PTPRD: variants seen among roughly 807,000 people sequenced by gnomAD.
PTPRD encodes protein tyrosine phosphatase receptor type D.
PTPRD carries 34 observed loss-of-function variants against 214.5 expected under a neutral mutation model. The ratio of observed to expected loss-of-function variants is 0.16; its 90% CI spans 0.12 to 0.21. The LOEUF (loss-of-function observed/expected upper bound fraction) is 0.21, where lower values mean the gene tolerates loss of function less well. Ranked by LOEUF, PTPRD falls within the 10% of genes least tolerant of loss-of-function variation. PTPRD has a pLI of 1.00. For missense variants in PTPRD, 2,545 were observed against 2,398.7 expected, an observed-to-expected ratio of 1.06 and a Z score of -1.27; for synonymous variants, 1,128 against 845.7, an observed-to-expected ratio of 1.33 and a Z score of -5.79.
intron 2 of PTPRD, among the ~76,000 whole-genome samples, chr9:10,352,336 T>C (rs1402211852): frequency 6.6e-6 from 1 of 152,044 alleles, no homozygotes; most frequent in African/African-American, 2.4e-5. Context: ...TCAATATTAG[T>C]ACATCACTTC....
intron 7 of PTPRD, among the ~76,000 whole-genome samples, chr9:9,721,958 A>G (rs1199647576): frequency 6.6e-6 from 1 of 152,068 alleles, no homozygotes; most frequent in Admixed American, 6.6e-5. Context: ...GATTTTTTAA[A>G]TATTTTGGTT....
chr9:9,528,848 T>G (rs1178262751), intron 8 of PTPRD, among the ~76,000 whole-genome samples: 1 of 151,980 alleles, frequency 6.6e-6, no homozygotes, highest in African/African-American at 2.4e-5. Flanking sequence ...TTCAAGAATT[T>G]TTTCCCATTG....
chr9:9,888,832 G>A (rs993780542), intron 5 of PTPRD, among the ~76,000 whole-genome samples: 45 of 152,044 alleles, frequency 3.0e-4, no homozygotes, highest in African/African-American at 9.9e-4. Context: ...GTATTGTAGA[G>A]AAACTGACCC....
chr9:9,509,800 A>G (rs202097660), intron 8 of PTPRD, among the ~76,000 whole-genome samples: 1 of 70,332 alleles, frequency 1.4e-5, no homozygotes, highest in Non-Finnish European at 2.7e-5. Context: ...CTACCTTTTT[A>G]TTTAAAAAAA....
At chr9:8,538,442 G>C (rs1296420294) in intron 14 of PTPRD, among the ~76,000 whole-genome samples, 1 of 151,486 alleles carries the variant, frequency 6.6e-6, no homozygotes, top group Non-Finnish European at 1.5e-5. Context: ...CAATCAAATG[G>C]GACTACAGAA....
intron 28 of PTPRD, 192 bp downstream of exon 28, chr9:8,485,570 C>A: frequency 1.6e-6 from 1 of 645,080 alleles, no homozygotes; most frequent in Admixed American, 3.0e-5. Context: ...TGCTGTCAGC[C>A]AGACTTGCTT....
At chr9:8,901,422 C>T (rs1350497583) in intron 11 of PTPRD, among the ~76,000 whole-genome samples, 2 of 152,160 alleles carry the variant, frequency 1.3e-5, no homozygotes, top group Non-Finnish European at 2.9e-5. Flanking sequence ...AAAAATGATA[C>T]ATTTGTAGAG....
chr9:9,727,388 T>C (rs888225263), intron 7 of PTPRD, among the ~76,000 whole-genome samples: 1 of 152,012 alleles, frequency 6.6e-6, no homozygotes, highest in Non-Finnish European at 1.5e-5. Context: ...ATGTCAAGGG[T>C]GCAATGAGCC....
intron 9 of PTPRD, among the ~76,000 whole-genome samples, chr9:9,195,378 G>A (rs1222575262): frequency 6.6e-6 from 1 of 151,942 alleles, no homozygotes; most frequent in Admixed American, 6.6e-5. Flanking sequence ...ACATGCTTTG[G>A]GTGATAGAAA....
intron 12 of PTPRD, among the ~76,000 whole-genome samples, chr9:8,726,202 T>TA (rs1565589748): frequency 6.6e-6 from 1 of 152,116 alleles, no homozygotes; most frequent in Non-Finnish European, 1.5e-5. Flanking sequence ...CACTTCATGA[T>TA]AGAGGCTGGC....
At chr9:8,409,637 AC>A (rs1198884611) in intron 35 of PTPRD, among the ~76,000 whole-genome samples, 1 of 152,124 alleles carries the variant, frequency 6.6e-6, no homozygotes, top group African/African-American at 2.4e-5. Context: ...GCAAAATTCA[AC>A]CTTTTTACCC....
intron 36 of PTPRD, among the ~76,000 whole-genome samples, chr9:8,395,453 C>T (rs941294971): frequency 1.1e-4 from 16 of 151,646 alleles, no homozygotes; most frequent in African/African-American, 3.9e-4. Context: ...GCCTTTCCCC[C>T]GACCCTTCAC....
intron 33 of PTPRD, 192 bp downstream of exon 33, chr9:8,460,219 T>G (rs986411312): frequency 4.2e-6 from 3 of 717,578 alleles, no homozygotes; most frequent in Non-Finnish European, 4.7e-6. Context: ...ATACCAAAAC[T>G]GAATAAGATT....
intron 25 of PTPRD, among the ~76,000 whole-genome samples, chr9:8,499,008 C>A (rs1383727722): frequency 6.6e-6 from 1 of 151,916 alleles, no homozygotes; most frequent in African/African-American, 2.4e-5. Flanking sequence ...CTCACATACT[C>A]AACTACTCAT....
At chr9:9,076,914 C>T (rs750296691) in intron 10 of PTPRD, among the ~76,000 whole-genome samples, 1 of 151,706 alleles carries the variant, frequency 6.6e-6, no homozygotes, top group East Asian at 1.9e-4. Context: ...ATTTACATTC[C>T]TACCAACAGT....
intron 5 of PTPRD, among the ~76,000 whole-genome samples, chr9:9,899,966 A>T (rs553533942): frequency 3.9e-5 from 6 of 152,094 alleles, no homozygotes; most frequent in Non-Finnish European, 7.4e-5. Context: ...CAAACCTGAA[A>T]AAAGTAGAAG....
chr9:9,679,178 T>C (rs2097007419), intron 7 of PTPRD, among the ~76,000 whole-genome samples: 1 of 149,636 alleles, frequency 6.7e-6, no homozygotes, highest in Non-Finnish European at 1.5e-5. Flanking sequence ...ACCAGAACAA[T>C]CTAAAGATAG....
chr9:8,373,942 G>C (rs1564370071), intron 39 of PTPRD, among the ~76,000 whole-genome samples: 1 of 148,150 alleles, frequency 6.7e-6, no homozygotes, highest in Non-Finnish European at 1.5e-5. Flanking sequence ...CAGTTTTCTA[G>C]TGCCTCCACT....
Position 10,561,561 on chromosome 9 carries a change from A to G in PTPRD, c.-600+50837T>C, listed in dbSNP as rs561408843. On this transcript the variant is annotated intron_variant, in intron 2 of 45. Coordinates refer to ENST00000381196, the MANE Select transcript of PTPRD (RefSeq NM_002839.4). ...GTTGAATGAATATGTGTTCAAGGCT[A>G]CAGATTCAATAGAGACCAAATATAA... Among the ~76,000 whole-genome samples, 3 of 152,302 alleles carry G rather than the reference A, an allele frequency of 2.0e-5. No homozygotes were observed. The South Asian group carries it at 6.2e-4, about 32-fold the overall frequency.
Sources: allele counts gnomAD v4.1 joint callset (sites outside exome capture counted in the v4.1 genomes callset), GRCh38; gene constraint gnomAD v4.1.1; transcripts MANE v1.5; gene names NCBI Gene and HGNC (gene_info 2026-07-23, HGNC 2026-07-21).